The following EFCAB6 variants were observed in gnomAD, a reference collection of about 807,000 sequenced individuals.
The protein encoded by EFCAB6 is EF-hand calcium-binding domain-containing protein 6.
In EFCAB6, 156 loss-of-function variants were observed where a neutral mutation model predicts 169.8. The observed-to-expected ratio is 0.92, with a 90% CI of 0.81 to 1.05. The LOEUF is 1.05. EFCAB6 is among the 50% of genes least tolerant of loss of function. The pLI is 0.00. For synonymous variants in EFCAB6, 698 were observed against 676.4 expected (o/e 1.03, Z -0.50); for missense variants, 1,800 against 1,829.1 (o/e 0.98, Z 0.29).
chr22:43,716,814 C>G, intron 9 of EFCAB6, 34 bp downstream of exon 9: 1 of 1,585,194 alleles, frequency 6.3e-7, no homozygotes, highest in Non-Finnish European at 8.5e-7. Flanking sequence ...TGTGTTTACT[C>G]TGTAGGTAAT....
intron 26 of EFCAB6, among the ~76,000 whole-genome samples, 192 bp from the exon 27 acceptor site, chr22:43,555,288 G>A (rs1236372992): frequency 2.0e-5 from 3 of 152,324 alleles, no homozygotes; most frequent in Admixed American, 6.5e-5. Context: ...CAGAAGCCTG[G>A]GTTTCCTGCC....
chr22:43,530,083 C>T (rs376296478), intron 31 of EFCAB6, among the ~76,000 whole-genome samples: 40 of 152,304 alleles, frequency 2.6e-4, no homozygotes, highest in Non-Finnish European at 4.0e-4. Flanking sequence ...GTGTCTGAGA[C>T]GGCCCCTCAA....
rs1480958677 is a variant in EFCAB6, at chr22:43,580,584, T to C, written c.3108A>G (p.Thr1036=). The C allele has an allele frequency of 6.2e-7, 1 of 1,614,082 alleles. No homozygotes were observed. Among genetic ancestry groups the C allele is most frequent in the African/African-American group, 1.3e-5 (1 of 74,934 alleles). Residue 1036 remains threonine (T), a synonymous_variant, in exon 25 of 32, where the codon ACA becomes ACG. Coordinates refer to ENST00000262726, the MANE Select transcript of EFCAB6 (RefSeq NM_022785.4). ...FLRAVENSKS[T]GAQPKEKEES... ...CTTCTTTTTCCTTGGGCTGAGCTCC[T>C]GTTGACTTGCTGTTCTCCACTGCTC...
At chr22:43,630,254 C>A (rs963359529) in intron 19 of EFCAB6, among the ~76,000 whole-genome samples, 1 of 152,232 alleles carries the variant, frequency 6.6e-6, no homozygotes, top group African/African-American at 2.4e-5. Context: ...CCGGACATAA[C>A]CCGCATCCAG....
chr22:43,713,199 A>G (rs2059220733), intron 9 of EFCAB6, among the ~76,000 whole-genome samples: 1 of 152,168 alleles, frequency 6.6e-6, no homozygotes, highest in Non-Finnish European at 1.5e-5. Context: ...TACCTGTTTA[A>G]TAACTCTCTC....
At chr22:43,703,092 C>T (rs919440715) in intron 10 of EFCAB6, among the ~76,000 whole-genome samples, 10 of 152,184 alleles carry the variant, frequency 6.6e-5, no homozygotes, top group African/African-American at 2.4e-4. Flanking sequence ...CTTGGGACCC[C>T]TCCTGCAACC....
At chr22:43,719,907 G>C (rs1334468679) in intron 8 of EFCAB6, among the ~76,000 whole-genome samples, 1 of 152,136 alleles carries the variant, frequency 6.6e-6, no homozygotes, top group African/African-American at 2.4e-5. Flanking sequence ...TCAGATGACA[G>C]AAATCAGGAG....
intron 27 of EFCAB6, chr22:43,552,111 G>T (rs1229965838): frequency 6.6e-6 from 1 of 152,146 alleles, no homozygotes; most frequent in Non-Finnish European, 1.5e-5. Context: ...GATTACAGGC[G>T]TGAACCGCTG....
Position 43,672,125 on chromosome 22 carries a change from T to C in EFCAB6, c.1488A>G (p.Glu496=), listed in dbSNP as rs768586096. The change falls in exon 15 of 32, where the codon GAA becomes GAG. Residue 496 remains glutamate, a synonymous_variant. Transcript: ENST00000262726. ...PFLLAWDSVE[E]IVHDTITRNL... ...TCCTAGTAATTGTATCATGAACAAT[T>C]TCTTCCACCTAACATTAAAAAACAA... is the stretch of plus-strand genomic sequence containing the variant. 16 of 1,613,038 alleles carry C rather than the reference T, an allele frequency of 9.9e-6. No individual in the cohort carries two copies. The East Asian group carries it at 3.6e-4, about 36-fold the overall frequency.
At chr22:43,788,912 G>A (rs1407610292) in intron 2 of EFCAB6, among the ~76,000 whole-genome samples, 13 of 152,222 alleles carry the variant, frequency 8.5e-5, no homozygotes. Context: ...AAAAAGGAAT[G>A]AAGTCCAGAT....
In EFCAB6 at chr22:43,534,799, C is replaced by T. The variant is rs768781063; in HGVS notation, c.4122G>A (p.Lys1374=). 1 of 1,613,938 alleles carries T rather than the reference C, an allele frequency of 6.2e-7. No individual in the cohort carries two copies. Among genetic ancestry groups the T allele is most frequent in the East Asian group, 2.2e-5 (1 of 44,854 alleles). Residue 1374 remains lysine (K), a synonymous_variant, in exon 30 of 32, where the codon AAG becomes AAA. Transcript: ENST00000262726. The part of the protein sequence containing the change: ...CQQLIIKYDL[K]SNGKFAYCDF... Reference sequence around the variant, plus strand: ...CACAGTATGCAAATTTCCCGTTGCTCTTTAAGTCGTATTTTATAATGAGCT... The same window carrying T: ...CACAGTATGCAAATTTCCCGTTGCTTTTTAAGTCGTATTTTATAATGAGCT...
At chr22:43,670,957 T>C (rs914544804) in intron 15 of EFCAB6, among the ~76,000 whole-genome samples, 1 of 152,178 alleles carries the variant, frequency 6.6e-6, no homozygotes, top group Admixed American at 6.5e-5. Context: ...GTGTATAAGA[T>C]CTCATTTGAT....
chr22:43,745,065 G>A (rs1291110489), intron 6 of EFCAB6, among the ~76,000 whole-genome samples: 1 of 152,208 alleles, frequency 6.6e-6, no homozygotes, highest in African/African-American at 2.4e-5. Flanking sequence ...GGAGAAAACT[G>A]AGAGCTAAGA....
intron 10 of EFCAB6, among the ~76,000 whole-genome samples, chr22:43,707,998 G>A (rs1011517362): frequency 2.8e-5 from 4 of 143,972 alleles, no homozygotes; most frequent in African/African-American, 1.0e-4. Flanking sequence ...TAGAACACGT[G>A]AAAATTTTAA....
chr22:43,531,796 A>G (rs534711926), intron 30 of EFCAB6, among the ~76,000 whole-genome samples: 1 of 152,270 alleles, frequency 6.6e-6, no homozygotes, highest in East Asian at 1.9e-4. Context: ...TGGGGCTCAC[A>G]TGACCTCCCA....
intron 28 of EFCAB6, among the ~76,000 whole-genome samples, chr22:43,539,877 A>T (rs536749574): frequency 5.9e-5 from 9 of 151,522 alleles, no homozygotes; most frequent in African/African-American, 1.9e-4. Flanking sequence ...TCCCTTTCCC[A>T]CCTTGCACCC....
intron 17 of EFCAB6, among the ~76,000 whole-genome samples, chr22:43,644,409 T>C (rs1420044182): frequency 6.6e-6 from 1 of 152,224 alleles, no homozygotes; most frequent in African/African-American, 2.4e-5. Context: ...GGATTCTGTT[T>C]ACTTTGGTAA....
intron 2 of EFCAB6, among the ~76,000 whole-genome samples, chr22:43,800,170 GAC>G (rs2062654483): frequency 6.6e-6 from 1 of 152,138 alleles, no homozygotes; most frequent in Admixed American, 6.5e-5. Context: ...TGGTCGCCTG[GAC>G]ACAAACCCTA....
intron 10 of EFCAB6, among the ~76,000 whole-genome samples, chr22:43,711,218 T>G (rs962154970): frequency 6.6e-6 from 1 of 152,190 alleles, no homozygotes; most frequent in African/African-American, 2.4e-5. Context: ...TATCTGGTAT[T>G]TGTTTCAGAA....
Sources: allele counts gnomAD v4.1 joint callset (sites outside exome capture counted in the v4.1 genomes callset), GRCh38; gene constraint gnomAD v4.1.1; transcripts MANE v1.5; gene names NCBI Gene and HGNC (gene_info 2026-07-23, HGNC 2026-07-21).